Variants in CSMD1 observed in about 807,000 individuals in gnomAD.
CSMD1 encodes CUB and sushi domain-containing protein 1.
CSMD1 carries 213 observed loss-of-function variants against 417.5 expected under a neutral mutation model. The ratio of observed to expected loss-of-function variants is 0.51; its 90% CI spans 0.46 to 0.57. CSMD1 has a LOEUF of 0.57. Among genes scored for constraint, CSMD1 ranks in the 20% least tolerant of loss-of-function variants. CSMD1 has a pLI of 0.00. For synonymous variants in CSMD1, 2,862 were observed against 1,736.8 expected, an observed-to-expected ratio of 1.65 and a Z score of -16.11; for missense variants, 6,923 against 4,529.7, an observed-to-expected ratio of 1.53 and a Z score of -15.17.
chr8:3,791,457 T>C lies in CSMD1; in HGVS notation c.819-37415A>G, dbSNP rs75410780. On this transcript the variant is annotated intron_variant, in intron 5 of 69. Coordinates refer to ENST00000635120, the MANE Select transcript of CSMD1 (RefSeq NM_033225.6). ...AGCATCCTAGCATAGTGCTGATACG[T>C]AGCTTGTAATACGTTCTTTAGTTGA... 5.9e-3 allele frequency among the ~76,000 whole-genome samples: 896 copies of C among 152,344 alleles called. 10 individuals carry two copies. The highest frequency in any genetic ancestry group is 0.02 in the African/African-American group (827 of 41,592).
chr8:4,278,896 A>G (rs1286477791), intron 3 of CSMD1, among the ~76,000 whole-genome samples: 2 of 152,230 alleles, frequency 1.3e-5, no homozygotes, highest in South Asian at 2.1e-4. Flanking sequence ...GACTGCTAGG[A>G]TAACTTCTCT....
At chr8:3,998,558 T>C (rs1470896623) in intron 4 of CSMD1, among the ~76,000 whole-genome samples, 5 of 152,214 alleles carry the variant, frequency 3.3e-5, no homozygotes, top group Non-Finnish European at 7.3e-5. Context: ...AAATTTATTT[T>C]CCATAAATTT....
intron 42 of CSMD1, among the ~76,000 whole-genome samples, chr8:3,115,071 G>T (rs1000076359): frequency 6.6e-6 from 1 of 151,902 alleles, no homozygotes. Context: ...TGATTAATTA[G>T]GTCAGCAAAA....
chr8:4,869,046 C>T (rs980070552), intron 1 of CSMD1, among the ~76,000 whole-genome samples: 1 of 151,726 alleles, frequency 6.6e-6, no homozygotes, highest in African/African-American at 2.4e-5. Flanking sequence ...ATACCATTTC[C>T]AAACATTATC....
At chr8:4,430,530 G>C (rs540653455) in intron 2 of CSMD1, among the ~76,000 whole-genome samples, 5 of 152,236 alleles carry the variant, frequency 3.3e-5, no homozygotes, top group Admixed American at 2.6e-4. Context: ...ATTACACTCT[G>C]ATAGACACTA....
intron 4 of CSMD1, among the ~76,000 whole-genome samples, chr8:4,005,663 G>T (rs1172604943): frequency 6.6e-6 from 1 of 152,138 alleles, no homozygotes; most frequent in Non-Finnish European, 1.5e-5. Context: ...TACTATATTT[G>T]GTGCTTTCTT....
At chr8:4,782,716 T>C (rs557125619) in intron 1 of CSMD1, among the ~76,000 whole-genome samples, 5 of 152,234 alleles carry the variant, frequency 3.3e-5, no homozygotes, top group Admixed American at 6.5e-5. Flanking sequence ...CGCTTTAATT[T>C]GAATCCAAAA....
At chr8:4,217,116 G>A (rs1355103986) in intron 3 of CSMD1, among the ~76,000 whole-genome samples, 3 of 152,180 alleles carry the variant, frequency 2.0e-5, no homozygotes, top group Non-Finnish European at 4.4e-5. Flanking sequence ...AGTTGGTGTA[G>A]TGCTAGTCTA....
chr8:3,519,428 T>C (rs532386210), intron 10 of CSMD1, among the ~76,000 whole-genome samples: 70 of 152,320 alleles, frequency 4.6e-4, no homozygotes, highest in African/African-American at 1.6e-3. Flanking sequence ...CTGGTTCATG[T>C]AAAAGATGAA....
At chr8:3,149,385 TG>T (rs1198309389) in intron 40 of CSMD1, among the ~76,000 whole-genome samples, 1 of 152,178 alleles carries the variant, frequency 6.6e-6, no homozygotes, top group Middle Eastern at 3.2e-3. Context: ...TACAACTGGG[TG>T]ACTTTCCTAT....
At chr8:3,433,546 G>C (rs1391341482) in intron 12 of CSMD1, among the ~76,000 whole-genome samples, 1 of 152,010 alleles carries the variant, frequency 6.6e-6, no homozygotes, top group East Asian at 1.9e-4. Context: ...GGTTCTTTCG[G>C]ACAGTCTAAA....
At chr8:4,116,025 G>A (rs73173865) in intron 3 of CSMD1, among the ~76,000 whole-genome samples, 1 of 150,344 alleles carries the variant, frequency 6.7e-6, no homozygotes, top group Non-Finnish European at 1.5e-5. Flanking sequence ...TATGGAGAGG[G>A]AGTCTCACTC....
intron 2 of CSMD1, among the ~76,000 whole-genome samples, chr8:4,539,672 T>C (rs1027664890): frequency 2.0e-5 from 3 of 152,196 alleles, no homozygotes; most frequent in Non-Finnish European, 2.9e-5. Context: ...GAATATTGTT[T>C]ATTAAGATTA....
At chr8:4,207,852 A>G (rs975628037) in intron 3 of CSMD1, among the ~76,000 whole-genome samples, 1 of 152,154 alleles carries the variant, frequency 6.6e-6, no homozygotes, top group Non-Finnish European at 1.5e-5. Context: ...GATGTCAGTG[A>G]TAATTGGTTC....
chr8:3,738,151 G>C (rs558575210), intron 6 of CSMD1, among the ~76,000 whole-genome samples: 2 of 152,094 alleles, frequency 1.3e-5, no homozygotes, highest in Non-Finnish European at 2.9e-5. Context: ...GTAGACATGT[G>C]TAATAAAAAT....
intron 21 of CSMD1, among the ~76,000 whole-genome samples, chr8:3,348,643 A>C (rs1256305183): frequency 6.6e-6 from 1 of 152,198 alleles, no homozygotes; most frequent in Non-Finnish European, 1.5e-5. Context: ...CGACAGACCA[A>C]ACCACTGAGT....
intron 2 of CSMD1, among the ~76,000 whole-genome samples, chr8:4,482,816 A>T (rs1801169278): frequency 6.6e-6 from 1 of 152,188 alleles, no homozygotes; most frequent in East Asian, 1.9e-4. Flanking sequence ...TATCTCATTA[A>T]AGAAATGCAA....
At chr8:4,560,184 T>G (rs1333260734) in intron 2 of CSMD1, among the ~76,000 whole-genome samples, 1 of 152,178 alleles carries the variant, frequency 6.6e-6, no homozygotes, top group Non-Finnish European at 1.5e-5. Flanking sequence ...ACTTTCTCAG[T>G]TCCATGCTGC....
chr8:3,864,603 T>C (rs1488919152), intron 5 of CSMD1, among the ~76,000 whole-genome samples: 2 of 152,154 alleles, frequency 1.3e-5, no homozygotes, highest in Non-Finnish European at 1.5e-5. Context: ...TATCTCCTAG[T>C]GTTATCCCTC....
Sources: allele counts gnomAD v4.1 joint callset (sites outside exome capture counted in the v4.1 genomes callset), GRCh38; gene constraint gnomAD v4.1.1; transcripts MANE v1.5; gene names NCBI Gene and HGNC (gene_info 2026-07-23, HGNC 2026-07-21).